The following USP3 variants were observed in gnomAD, a reference collection of about 807,000 sequenced individuals.
The protein encoded by USP3 is ubiquitin specific peptidase 3, also known as ubiquitin carboxyl-terminal hydrolase 3.
A neutral mutation model predicts 72.3 loss-of-function variants in USP3; 20 were observed. That is an observed-to-expected ratio of 0.28 (90% confidence interval 0.19 to 0.40). USP3 has a LOEUF of 0.40. Among genes scored for constraint, USP3 ranks in the 10% least tolerant of loss-of-function variants. The pLI is 1.00. For missense variants in USP3, 479 were observed against 633.9 expected (o/e 0.76, Z 2.62); for synonymous variants, 222 against 225.3 (o/e 0.99, Z 0.13).
At position 63,519,266 on chromosome 15, in the gene USP3, T is replaced by C. The variant is rs145403129; in HGVS notation, c.92-13381T>C. ...GATCATGTGTTATATTTAGTTGTCATAGCTCTTTAGTTTTCTTTCATCTCC... is the reference window on the plus strand; with the variant it reads ...GATCATGTGTTATATTTAGTTGTCACAGCTCTTTAGTTTTCTTTCATCTCC... On this transcript the variant is annotated intron_variant, in intron 1 of 14. Transcript: ENST00000380324. Among the ~76,000 whole-genome samples the C allele has an allele frequency of 2.1e-3, 314 of 152,254 alleles. 1 individual carries two copies. Among genetic ancestry groups the C allele is most frequent in the African/African-American group, 7.3e-3 (302 of 41,560 alleles).
intron 8 of USP3, among the ~76,000 whole-genome samples, chr15:63,569,717 G>T (rs140906063): frequency 2.0e-5 from 3 of 152,076 alleles, no homozygotes; most frequent in African/African-American, 7.2e-5. Flanking sequence ...CTTTGTTCCT[G>T]TTCACTGTCA....
At chr15:63,506,192 G>A (rs1292496853) in intron 1 of USP3, among the ~76,000 whole-genome samples, 1 of 152,188 alleles carries the variant, frequency 6.6e-6, no homozygotes, top group Non-Finnish European at 1.5e-5. Flanking sequence ...TGAGGATGCA[G>A]AAACTTGTGT....
chr15:63,572,935 G>A, intron 9 of USP3, among the ~76,000 whole-genome samples: 1 of 152,180 alleles, frequency 6.6e-6, no homozygotes, highest in East Asian at 1.9e-4. Flanking sequence ...GGGGCTAACA[G>A]TAGCTACTTT....
chr15:63,562,347 A>G (rs934654908), intron 7 of USP3, among the ~76,000 whole-genome samples: 3 of 152,134 alleles, frequency 2.0e-5, no homozygotes, highest in African/African-American at 7.2e-5. Flanking sequence ...TAGAGGTGAA[A>G]GTGACAAGAG....
intron 1 of USP3, among the ~76,000 whole-genome samples, chr15:63,531,456 G>C (rs969827460): frequency 2.0e-5 from 3 of 152,130 alleles, no homozygotes; most frequent in Admixed American, 6.5e-5. Flanking sequence ...CATAGAATTT[G>C]GGTCCTGGTC....
At chr15:63,566,029 C>T (rs1212550443) in intron 8 of USP3, among the ~76,000 whole-genome samples, 3 of 152,290 alleles carry the variant, frequency 2.0e-5, no homozygotes, top group Non-Finnish European at 4.4e-5. Context: ...TGGTCCCTAT[C>T]TCTTTGTCTA....
chr15:63,553,136 T>G lies in USP3; in HGVS notation c.285-579T>G, dbSNP rs750147658. On this transcript the variant is annotated intron_variant, in intron 3 of 14. Coordinates refer to ENST00000380324, the MANE Select transcript of USP3 (RefSeq NM_006537.4). The surrounding 1 kb of genome is among the most constrained non-coding windows in gnomAD (Gnocchi z 4.2). Reference sequence around the variant, plus strand: ...TTGCCTGAATGATATAGCCACTATTTTATACTTTTGTTTTGTAGTGCCTCA... The same window carrying G: ...TTGCCTGAATGATATAGCCACTATTGTATACTTTTGTTTTGTAGTGCCTCA... 6.6e-6 allele frequency among the ~76,000 whole-genome samples: 1 copy of G among 152,266 alleles called. No homozygotes were observed. Among genetic ancestry groups the G allele is most frequent in the Non-Finnish European group, 1.5e-5 (1 of 68,042 alleles).
In USP3 at chr15:63,591,908, C is replaced by CGTTTT. The variant is rs902874701; in HGVS notation, c.*1088_*1092dup. Reference sequence around the variant, plus strand: ...TGTTGGAGTAAGTAAGTGGAGTTTTCGTTTTGTTTTTTGGGGGTTTTTGGA... The same window carrying CGTTTT: ...TGTTGGAGTAAGTAAGTGGAGTTTTCGTTTTGTTTTGTTTTTTGGGGGTTTTTGGA... On this transcript the variant is annotated 3_prime_UTR_variant, in exon 15 of 15. Transcript: ENST00000380324. 1 of 152,100 alleles carries CGTTTT rather than the reference C, an allele frequency of 6.6e-6. No individual in the cohort carries two copies. Among genetic ancestry groups the CGTTTT allele is most frequent in the African/African-American group, 2.4e-5 (1 of 41,370 alleles). 9.4% of individuals were successfully genotyped at this position (152,100 alleles called of 1,614,324 possible). A position where few individuals can be genotyped will look rare whatever the true frequency, so the allele number is the denominator to read the frequency against.
At chr15:63,535,053 T>C (rs2066136020) in intron 2 of USP3, among the ~76,000 whole-genome samples, 1 of 152,116 alleles carries the variant, frequency 6.6e-6, no homozygotes, top group Non-Finnish European at 1.5e-5. Flanking sequence ...TGCCTCAGCC[T>C]CCCAAGTAGT....
intron 11 of USP3, among the ~76,000 whole-genome samples, chr15:63,580,124 A>C (rs1367546106): frequency 6.6e-6 from 1 of 152,224 alleles, no homozygotes; most frequent in Non-Finnish European, 1.5e-5. Context: ...AAATTGCATT[A>C]TGTGGCAATT....
rs1342442890 is a variant in USP3 at position 63,594,181 on chromosome 15, A to G, written c.*3355A>G. The G allele has an allele frequency of 1.3e-5, 2 of 152,162 alleles. No individual in the cohort carries two copies. Among genetic ancestry groups the G allele is most frequent in the Non-Finnish European group, 2.9e-5 (2 of 68,054 alleles). The allele number at this position is 152,162 out of a possible 1,614,324, so 9.4% of individuals were successfully genotyped here. ...GTTTAGTGTACATAAGTCTATTTAG[A>G]TACACTTATCCCACTTTAATCTCCA... On this transcript the variant is annotated 3_prime_UTR_variant, in exon 15 of 15. Transcript: ENST00000380324.
intron 2 of USP3, among the ~76,000 whole-genome samples, chr15:63,536,713 G>T (rs1031277267): frequency 1.1e-4 from 16 of 152,054 alleles, no homozygotes; most frequent in African/African-American, 3.9e-4. Context: ...AATTAGCTGG[G>T]TGTGATGGTG....
At chr15:63,537,785 A>G (rs1302039686) in intron 3 of USP3, among the ~76,000 whole-genome samples, 1 of 152,056 alleles carries the variant, frequency 6.6e-6, no homozygotes, top group African/African-American at 2.4e-5. Flanking sequence ...TCCCGGGTTC[A>G]AGCAACTCTC....
At chr15:63,558,209 T>G (rs1186649211) in intron 6 of USP3, 21 bp downstream of exon 6, 1 of 1,613,582 alleles carries the variant, frequency 6.2e-7, no homozygotes, top group South Asian at 1.1e-5. Context: ...AGTCAGAGCT[T>G]AAGTGTCTGA....
chr15:63,515,769 C>T (rs1399528808), intron 1 of USP3, among the ~76,000 whole-genome samples: 3 of 152,132 alleles, frequency 2.0e-5, no homozygotes, highest in Non-Finnish European at 2.9e-5. Flanking sequence ...GTTTTCAGAA[C>T]AGTAATACAC....
At chr15:63,582,287 T>A (rs1160348508) in intron 11 of USP3, among the ~76,000 whole-genome samples, 1 of 152,194 alleles carries the variant, frequency 6.6e-6, no homozygotes, top group African/African-American at 2.4e-5. Context: ...TAGTGGAGAT[T>A]GTTCTCTACT....
At chr15:63,564,166 ATAATAGT>A (rs768933326) in intron 8 of USP3, among the ~76,000 whole-genome samples, 1 of 152,162 alleles carries the variant, frequency 6.6e-6, no homozygotes, top group Non-Finnish European at 1.5e-5. Flanking sequence ...TTATTATATA[ATAATAGT>A]TTACATTTAT....
At chr15:63,576,320 G>C (rs2066862979) in intron 11 of USP3, among the ~76,000 whole-genome samples, 1 of 152,168 alleles carries the variant, frequency 6.6e-6, no homozygotes, top group Non-Finnish European at 1.5e-5. Context: ...ACAAAACTTA[G>C]TAAATCCAGA....
chr15:63,522,258 A>C (rs1189399321), intron 1 of USP3, among the ~76,000 whole-genome samples: 1 of 152,254 alleles, frequency 6.6e-6, no homozygotes. Context: ...CTGCATTGCT[A>C]GATAACCACG....
Sources: allele counts gnomAD v4.1 joint callset (sites outside exome capture counted in the v4.1 genomes callset), GRCh38; gene constraint gnomAD v4.1.1; non-coding constraint Gnocchi (gnomAD v3.1); transcripts MANE v1.5; gene names NCBI Gene and HGNC (gene_info 2026-07-23, HGNC 2026-07-21).